The following NAE1 variants were observed in gnomAD, a reference collection of about 807,000 sequenced individuals.
NAE1 encodes the protein NEDD8-activating enzyme E1 regulatory subunit.
In NAE1, 59 loss-of-function variants were observed where a neutral mutation model predicts 88.0. That is an observed-to-expected ratio of 0.67 (90% CI 0.54 to 0.83). NAE1 has a LOEUF of 0.83. NAE1 is among the 40% of genes least tolerant of loss of function. The pLI is 0.00. For synonymous variants in NAE1, 186 were observed against 208.9 expected (o/e 0.89, Z 0.95); for missense variants, 554 against 632.8 (o/e 0.88, Z 1.34).
chr16:66,807,219 CACT>C (rs1466886587), intron 17 of NAE1, among the ~76,000 whole-genome samples: 11 of 152,190 alleles, frequency 7.2e-5, no homozygotes, highest in African/African-American at 1.4e-4. Context: ...TGTTTTAAAC[CACT>C]AAGTTTTGAA....
At chr16:66,829,218 C>T (rs1960595770) in intron 1 of NAE1, among the ~76,000 whole-genome samples, 1 of 152,156 alleles carries the variant, frequency 6.6e-6, no homozygotes, top group Non-Finnish European at 1.5e-5. Context: ...CAGCAAAAAC[C>T]CTCTTTTGTT....
intron 11 of NAE1, 53 bp downstream of exon 11, chr16:66,816,528 G>A: frequency 8.1e-7 from 1 of 1,232,688 alleles, no homozygotes; most frequent in Non-Finnish European, 1.2e-6. Context: ...TAATAGCCAA[G>A]GACTCTAGAA....
At chr16:66,812,643 GA>G (rs1959854424) in intron 13 of NAE1, among the ~76,000 whole-genome samples, 1 of 147,266 alleles carries the variant, frequency 6.8e-6, no homozygotes, top group South Asian at 2.2e-4. Context: ...TCAGCCTCCC[GA>G]ATAGCTGGGA....
intron 3 of NAE1, among the ~76,000 whole-genome samples, chr16:66,825,545 A>G (rs1431153589): frequency 6.6e-6 from 1 of 152,180 alleles, no homozygotes; most frequent in Non-Finnish European, 1.5e-5. Flanking sequence ...ATCTTATGGT[A>G]AAGAAATTTT....
rs113887479 is a variant in NAE1, at chr16:66,805,650, A to G, written c.1495+127T>C. 7.6e-3 allele frequency: 6,383 copies of G among 835,622 alleles called. 74 individuals carry two copies. The highest frequency in any genetic ancestry group is 0.062 in the South Asian group (1,154 of 18,496). The allele number at this position is 835,622 out of a possible 1,614,324, so 51.8% of individuals were successfully genotyped here. On this transcript the variant is annotated intron_variant, in intron 19 of 19. Transcript: ENST00000290810. ...GAGACTGCGTCTCAAAAAAAAAAAA[A>G]AGAAAGAAATATAACATCCTGCTTC...
intron 17 of NAE1, among the ~76,000 whole-genome samples, chr16:66,806,452 A>T (rs1186367512): frequency 1.3e-5 from 2 of 151,420 alleles, no homozygotes; most frequent in South Asian, 2.1e-4. Context: ...TTTGAGAGAG[A>T]GTCTTGCTGT....
Position 66,809,091 on chromosome 16 carries a change from A to G in NAE1, c.1151-16T>C, listed in dbSNP as rs570377308. 1.3e-5 allele frequency: 21 copies of G among 1,588,858 alleles called. No homozygotes were observed. Among genetic ancestry groups the G allele is most frequent in the Non-Finnish European group, 1.7e-5 (20 of 1,160,470 alleles). ...GAATTGCTGCCTGAACAGAGGAAAG[A>G]TATTCTGGAAGTAATGACTGTGACT... On this transcript the variant is annotated splice_polypyrimidine_tract_variant and intron_variant, in intron 15 of 19. Transcript: ENST00000290810.
chr16:66,824,720 T>C, intron 4 of NAE1, 135 bp downstream of exon 4: 1 of 748,310 alleles, frequency 1.3e-6, no homozygotes, highest in African/African-American at 1.8e-5. Flanking sequence ...TATGAAGATT[T>C]ACAAGATTAC....
intron 11 of NAE1, among the ~76,000 whole-genome samples, chr16:66,814,809 G>T (rs1403358282): frequency 6.6e-6 from 1 of 152,084 alleles, no homozygotes; most frequent in African/African-American, 2.4e-5. Flanking sequence ...TGCTTAAATA[G>T]CCTGCAAGGC....
intron 1 of NAE1, among the ~76,000 whole-genome samples, chr16:66,828,539 G>A (rs1212165996): frequency 6.6e-6 from 1 of 151,496 alleles, no homozygotes; most frequent in African/African-American, 2.4e-5. Context: ...GGGTGAGATA[G>A]TGTGTGTGCC....
intron 15 of NAE1, 143 bp from the exon 16 acceptor site, chr16:66,809,218 T>C: frequency 5.3e-6 from 3 of 567,280 alleles, no homozygotes; most frequent in Non-Finnish European, 6.1e-6. Flanking sequence ...TTGGTTCTAA[T>C]AGCAGAGAAA....
intron 10 of NAE1, 83 bp downstream of exon 10, chr16:66,816,882 T>TTA (rs1960063998): frequency 6.5e-7 from 1 of 1,535,802 alleles, no homozygotes; most frequent in East Asian, 2.3e-5. Flanking sequence ...CTGACAAAGG[T>TTA]GTTAACAGAA....
In NAE1 at chr16:66,808,976, CT is replaced by C; in HGVS notation, c.1237+12del. The C allele has an allele frequency of 6.4e-7, 1 of 1,553,146 alleles. No individual in the cohort carries two copies. Among genetic ancestry groups the C allele is most frequent in the Non-Finnish European group, 8.9e-7 (1 of 1,128,966 alleles). On this transcript the variant is annotated intron_variant, in intron 16 of 19. Transcript: ENST00000290810. ...TTAAAATTAACCCAGAATCAGAAGG[CT>C]ATTATACTTACTAATTTCATCCTTG...
At chr16:66,810,616 C>T in intron 14 of NAE1, 81 bp downstream of exon 14, 1 of 1,286,832 alleles carries the variant, frequency 7.8e-7, no homozygotes, top group Non-Finnish European at 1.1e-6. Context: ...AGAGGCAGTG[C>T]CACACCCTCT....
intron 19 of NAE1, among the ~76,000 whole-genome samples, chr16:66,805,432 A>G (rs1959524021): frequency 6.6e-6 from 1 of 151,944 alleles, no homozygotes; most frequent in African/African-American, 2.4e-5. Context: ...GGGCAACTGA[A>G]TAAATATCCT....
chr16:66,803,497 T>C (rs535191340), intron 19 of NAE1, among the ~76,000 whole-genome samples: 1 of 152,254 alleles, frequency 6.6e-6, no homozygotes, highest in African/African-American at 2.4e-5. Context: ...CAGACCGCTA[T>C]ATTTACTCAA....
chr16:66,817,527 T>C, intron 8 of NAE1, 40 bp from the exon 9 acceptor site: 2 of 1,362,912 alleles, frequency 1.5e-6, no homozygotes, highest in Non-Finnish European at 2.0e-6. Context: ...ATCAGTATTA[T>C]GAATTCTTCA....
intron 19 of NAE1, among the ~76,000 whole-genome samples, chr16:66,803,569 C>T (rs1380131778): frequency 6.6e-6 from 1 of 151,918 alleles, no homozygotes; most frequent in East Asian, 1.9e-4. Context: ...TTCCTCTTTC[C>T]CAAATATTCA....
At chr16:66,809,632 G>A (rs1025280295) in intron 15 of NAE1, among the ~76,000 whole-genome samples, 34 of 151,990 alleles carry the variant, frequency 2.2e-4, no homozygotes, top group African/African-American at 7.5e-4. Flanking sequence ...TACAACAAAC[G>A]CTAATTCAAG....
Sources: allele counts gnomAD v4.1 joint callset (sites outside exome capture counted in the v4.1 genomes callset), GRCh38; gene constraint gnomAD v4.1.1; transcripts MANE v1.5; gene names NCBI Gene and HGNC (gene_info 2026-07-23, HGNC 2026-07-21).